ADH4: variants seen among roughly 807,000 people sequenced by gnomAD.
ADH4 encodes the protein all-trans-retinol dehydrogenase [NAD(+)] ADH4.
Under a neutral mutation model 35.2 loss-of-function variants are expected in ADH4, and 31 were observed. That is an observed-to-expected ratio of 0.88 (90% CI 0.66 to 1.19). The LOEUF (loss-of-function observed/expected upper bound fraction) is 1.19. ADH4 is among the 50% of genes most tolerant of loss of function. The pLI is 0.00. For synonymous variants in ADH4, 171 were observed against 160.2 expected (o/e 1.07, Z -0.51); for missense variants, 476 against 458.3 (o/e 1.04, Z -0.35).
intron 4 of ADH4, among the ~76,000 whole-genome samples, chr4:99,137,935 C>A (rs1313710495): frequency 1.3e-5 from 2 of 152,070 alleles, no homozygotes; most frequent in Non-Finnish European, 2.9e-5. Context: ...CTCTCTTTTT[C>A]CCCTTGCAAT....
chr4:99,125,816 C>T (rs1025197163), intron 8 of ADH4, among the ~76,000 whole-genome samples: 14 of 152,166 alleles, frequency 9.2e-5, no homozygotes, highest in Non-Finnish European at 1.8e-4. Flanking sequence ...TGCTTCAAAT[C>T]CCAGTTATTT....
chr4:99,142,854 G>A (rs1420562016), intron 1 of ADH4, 74 bp from the exon 2 acceptor site: 11 of 1,054,180 alleles, frequency 1.0e-5, no homozygotes, highest in Non-Finnish European at 1.5e-5. Flanking sequence ...GGAGAGAGGA[G>A]ATCATGAGAA....
At chr4:99,130,040 T>TCAAAATAATTC (rs542710706) in intron 6 of ADH4, among the ~76,000 whole-genome samples, 139 of 152,310 alleles carry the variant, frequency 9.1e-4, no homozygotes, top group African/African-American at 3.2e-3. Flanking sequence ...TTACATTTTA[T>TCAAAATAATTC]CAAAATAATT....
chr4:99,127,102 T>A (rs1729120129), intron 7 of ADH4, 107 bp downstream of exon 7: 1 of 865,968 alleles, frequency 1.2e-6, no homozygotes, highest in Non-Finnish European at 1.7e-6. Context: ...CTCTAGGGAT[T>A]CAATGGTTGA....
At chr4:99,133,535 C>G (rs921279316) in intron 5 of ADH4, 2 of 152,188 alleles carry the variant, frequency 1.3e-5, no homozygotes, top group African/African-American at 2.4e-5. Flanking sequence ...ACTTCACTTT[C>G]CTTAATTTCT....
intron 6 of ADH4, among the ~76,000 whole-genome samples, chr4:99,130,934 A>G (rs1446684383): frequency 2.6e-5 from 4 of 152,158 alleles, no homozygotes; most frequent in African/African-American, 9.6e-5. Flanking sequence ...AAATGTTAAT[A>G]TTAATAATGT....
chr4:99,131,877 A>G (rs1482835651), intron 5 of ADH4, 113 bp from the exon 6 acceptor site: 7 of 1,137,670 alleles, frequency 6.2e-6, no homozygotes, highest in East Asian at 2.6e-5. Flanking sequence ...ACAGCCTGCT[A>G]TTAAACTCTA....
intron 6 of ADH4, among the ~76,000 whole-genome samples, chr4:99,128,132 G>A (rs978757994): frequency 6.6e-6 from 1 of 151,970 alleles, no homozygotes; most frequent in African/African-American, 2.4e-5. Context: ...TTCACCTAAT[G>A]TTTAGACTTT....
At chr4:99,126,296 C>T (rs1049814052) in intron 8 of ADH4, among the ~76,000 whole-genome samples, 4 of 152,096 alleles carry the variant, frequency 2.6e-5, no homozygotes, top group African/African-American at 9.7e-5. Flanking sequence ...AGGGATCTAA[C>T]ATACTACACA....
In ADH4 at chr4:99,124,462, G is replaced by A. The variant is rs763392896; in HGVS notation, c.1123C>T (p.Arg375Ter). The change falls in exon 9 of 9, where the codon CGA (arginine) becomes TGA (stop). Residue 375 changes from arginine to a stop codon, truncating the protein, a stop_gained. Coordinates refer to ENST00000265512, the MANE Select transcript of ADH4 (RefSeq NM_000670.5). LOFTEE classifies it high-confidence loss of function. ...FDLMNQGKSV[R>*]TILIF ...CATCTTCAAAAGATGAGGATTGTTCGGACGCTGTTAATAACAATAAAACAT... is the reference window on the plus strand; with the variant it reads ...CATCTTCAAAAGATGAGGATTGTTCAGACGCTGTTAATAACAATAAAACAT... The A allele has an allele frequency of 3.4e-5, 50 of 1,482,994 alleles. No individual in the cohort carries two copies. The highest frequency in any genetic ancestry group is 2.1e-4 in the East Asian group (9 of 42,550). 91.9% of individuals were successfully genotyped at this position (1,482,994 alleles called of 1,614,324 possible).
At chr4:99,141,305 T>C (rs1157001991) in intron 3 of ADH4, among the ~76,000 whole-genome samples, 2 of 152,222 alleles carry the variant, frequency 1.3e-5, no homozygotes, top group East Asian at 1.9e-4. Context: ...GGACAGTTTC[T>C]CAGTGCTATG....
chr4:99,127,409 A>C, intron 6 of ADH4, 65 bp from the exon 7 acceptor site: 1 of 1,369,394 alleles, frequency 7.3e-7, no homozygotes, highest in South Asian at 1.4e-5. Flanking sequence ...CCAGTGTGGC[A>C]ATGTACAATG....
rs192172695 is a variant in ADH4 at position 99,136,395 on chromosome 4, C to T, written c.582+71G>A. The T allele has an allele frequency of 1.2e-5, 16 of 1,288,046 alleles. No individual in the cohort carries two copies. The Middle Eastern group carries it at 9.3e-4, about 75-fold the overall frequency. The allele number at this position is 1,288,046 out of a possible 1,614,324, so 79.8% of individuals were successfully genotyped here. ...ACAGCCACAGTTTGAAGATAACTAA[C>T]TCTAGTTCATCTGTATCACACTGCC... On this transcript the variant is annotated intron_variant, in intron 5 of 8. Coordinates refer to ENST00000265512, the MANE Select transcript of ADH4 (RefSeq NM_000670.5).
intron 7 of ADH4, 43 bp downstream of exon 7, chr4:99,127,166 A>AC: frequency 6.6e-7 from 1 of 1,515,446 alleles, no homozygotes; most frequent in Non-Finnish European, 8.9e-7. Flanking sequence ...TTTCAGAACT[A>AC]CTAGGAAAAG....
At chr4:99,140,467 T>C (rs1729574245) in intron 3 of ADH4, among the ~76,000 whole-genome samples, 1 of 151,740 alleles carries the variant, frequency 6.6e-6, no homozygotes, top group African/African-American at 2.4e-5. Flanking sequence ...CCAGCTACTC[T>C]GGAGGCTGAG....
chr4:99,135,361 C>T (rs1729403073), intron 5 of ADH4, among the ~76,000 whole-genome samples: 1 of 151,962 alleles, frequency 6.6e-6, no homozygotes, highest in South Asian at 2.1e-4. Flanking sequence ...CCCAGGAGGT[C>T]AAGGCTGCAG....
In ADH4 at chr4:99,142,746, G is replaced by A; in HGVS notation, c.53C>T (p.Ala18Val). 1 of 1,604,918 alleles carries A rather than the reference G, an allele frequency of 6.2e-7. No homozygotes were observed. The highest frequency in any genetic ancestry group is 1.1e-5 in the South Asian group (1 of 89,532). ...CTCTTCAATGCAAAGGGGCTTGCCTGCTTCCCAGGCGATGGCTGCTTTGCA... is the reference window on the plus strand; with the variant it reads ...CTCTTCAATGCAAAGGGGCTTGCCTACTTCCCAGGCGATGGCTGCTTTGCA... ...IKCKAAIAWE[A>V]GKPLCIEEVE... The change falls in exon 2 of 9, where the codon GCA becomes GTA. Residue 18 changes from alanine to valine, a missense_variant. Physicochemically the swap from Ala to Val is moderately conservative, Grantham distance 64. Coordinates refer to ENST00000265512, the MANE Select transcript of ADH4 (RefSeq NM_000670.5).
intron 5 of ADH4, among the ~76,000 whole-genome samples, chr4:99,132,571 T>A (rs957184243): frequency 1.3e-5 from 2 of 152,194 alleles, no homozygotes; most frequent in Non-Finnish European, 2.9e-5. Context: ...GCAGAAACTT[T>A]TTAAATTCCA....
chr4:99,127,924 T>C (rs1729149887), intron 6 of ADH4, among the ~76,000 whole-genome samples: 1 of 151,910 alleles, frequency 6.6e-6, no homozygotes, highest in South Asian at 2.1e-4. Context: ...TATATTTGCC[T>C]CTGCTAAATG....
Sources: gnomAD v4.1 joint callset for allele counts (sites outside exome capture counted in the v4.1 genomes callset) on GRCh38, gnomAD v4.1.1 for gene constraint, MANE v1.5 for transcripts, NCBI Gene and HGNC (gene_info 2026-07-23, HGNC 2026-07-21) for gene names.